OXNAD1: variants seen among roughly 807,000 people sequenced by gnomAD.
The protein encoded by OXNAD1 is oxidoreductase NAD binding domain containing 1, also known as oxidoreductase NAD-binding domain-containing protein 1.
A neutral mutation model predicts 32.9 loss-of-function variants in OXNAD1; 34 were observed. That is an observed-to-expected ratio of 1.03 (90% CI 0.79 to 1.38). The LOEUF (loss-of-function observed/expected upper bound fraction) is 1.38, where lower values mean the gene tolerates loss of function less well. Among genes scored for constraint, OXNAD1 ranks in the 40% most tolerant of loss-of-function variants. The pLI is 0.00. For missense variants in OXNAD1, 407 were observed against 379.4 expected, an observed-to-expected ratio of 1.07 and a Z score of -0.60; for synonymous variants, 134 against 135.2, an observed-to-expected ratio of 0.99 and a Z score of 0.06.
downstream of OXNAD1, among the ~76,000 whole-genome samples, chr3:16,310,560 A>G (rs1225705588): frequency 6.6e-6 from 1 of 152,188 alleles, no homozygotes; most frequent in African/African-American, 2.4e-5. Context: ...ACATGGGATC[A>G]TGTTTTAAAA....
At chr3:16,269,085 G>T in intron 1 of OXNAD1, 41 bp from the exon 2 acceptor site, 1 of 1,408,204 alleles carries the variant, frequency 7.1e-7, no homozygotes, top group Non-Finnish European at 9.2e-7. Flanking sequence ...CTTTTGATCA[G>T]TTCCCCAAAA....
rs142203348 is a variant in OXNAD1 at position 16,330,680 on chromosome 3, A to G, written c.*31-6432A>G. 5.3e-3 allele frequency among the ~76,000 whole-genome samples: 801 copies of G among 152,386 alleles called. 6 individuals carry two copies. Among genetic ancestry groups the G allele is most frequent in the Non-Finnish European group, 9.8e-3 (665 of 68,040 alleles). On this transcript the variant is annotated intron_variant, in intron 9 of 9. Transcript: ENST00000435829. ...CATGTCCTGTGGTTTTTCAACTCGT[A>G]TAAAAGGAATTCATTTGTATTTATG... is the stretch of plus-strand genomic sequence containing the variant.
chr3:16,302,012 C>G lies in OXNAD1; in HGVS notation c.675+144C>G. On this transcript the variant is annotated intron_variant, in intron 7 of 8. Coordinates refer to ENST00000285083, the MANE Select transcript of OXNAD1 (RefSeq NM_138381.5). The surrounding 1 kb of genome is among the most constrained non-coding windows in gnomAD (Gnocchi z 4.2). ...TTAATCATGCTTAAATGAGAACTAA[C>G]CAACACACCTTACCCAAGACAAGTA... The G allele has an allele frequency of 9.6e-7, 1 of 1,047,034 alleles. No individual in the cohort carries two copies. Among genetic ancestry groups the G allele is most frequent in the Non-Finnish European group, 1.4e-6 (1 of 739,116 alleles). 64.9% of individuals were successfully genotyped at this position (1,047,034 alleles called of 1,614,324 possible).
rs1260619275 is a variant in OXNAD1 at position 16,316,580 on chromosome 3, G to T, written c.*30+12988G>T. On this transcript the variant is annotated intron_variant, in intron 9 of 9. Coordinates refer to the OXNAD1 transcript ENST00000435829. This position sits in a 1 kb window ranked among gnomAD's most constrained non-coding sequence, Gnocchi z 4.5. ...CAGGACTGGGCCTTCAGCCATGAGG[G>T]CTAGAATAACCTGACCTCTTGCATT... The T allele has an allele frequency of 3.7e-6, 2 of 546,748 alleles. No individual in the cohort carries two copies. Among genetic ancestry groups the T allele is most frequent in the East Asian group, 3.3e-5 (1 of 30,702 alleles). 33.9% of individuals were successfully genotyped at this position (546,748 alleles called of 1,614,324 possible). A position where few individuals can be genotyped will look rare whatever the true frequency, so the allele number is the denominator to read the frequency against.
At position 16,271,743 on chromosome 3, in the gene OXNAD1, A is replaced by G. The variant is rs1183775934; in HGVS notation, c.183+21A>G. On this transcript the variant is annotated intron_variant, in intron 4 of 8. Coordinates refer to ENST00000285083, the MANE Select transcript of OXNAD1 (RefSeq NM_138381.5). The surrounding 1 kb of genome is among the most constrained non-coding windows in gnomAD (Gnocchi z 4.6). ...GGGAGGTTTGTATCTTTGGGGTATG[A>G]CAGGTTTTTCCAGCTAGACCGTTTA... The G allele has an allele frequency of 1.3e-6, 2 of 1,599,580 alleles. No homozygotes were observed. Among genetic ancestry groups the G allele is most frequent in the Non-Finnish European group, 1.7e-6 (2 of 1,174,828 alleles).
chr3:16,283,240 C>G (rs1032229053), intron 4 of OXNAD1, among the ~76,000 whole-genome samples: 3 of 152,102 alleles, frequency 2.0e-5, no homozygotes, highest in Non-Finnish European at 4.4e-5. Context: ...CTCTGCATAC[C>G]CTGTTCCCCA....
intron 9 of OXNAD1, among the ~76,000 whole-genome samples, chr3:16,330,057 AT>A (rs748710473): frequency 1.3e-5 from 2 of 152,056 alleles, no homozygotes; most frequent in Non-Finnish European, 2.9e-5. Flanking sequence ...TCTCCCAAAC[AT>A]TTTTTCCCCC....
chr3:16,325,050 C>A (rs116247392), intron 9 of OXNAD1, among the ~76,000 whole-genome samples: 280 of 152,246 alleles, frequency 1.8e-3, no homozygotes, highest in African/African-American at 6.5e-3. Flanking sequence ...TTTCTTAAAT[C>A]TGTTTTGTAA....
chr3:16,286,369 G>GCTGCC lies in OXNAD1; in HGVS notation c.212_216dup (p.Ser73LeufsTer8). 17 of 1,613,796 alleles carry GCTGCC rather than the reference G, an allele frequency of 1.1e-5. No homozygotes were observed. Among genetic ancestry groups the GCTGCC allele is most frequent in the Non-Finnish European group, 1.4e-5 (17 of 1,179,784 alleles). On this transcript the variant is annotated frameshift_variant, in exon 5 of 9. Coordinates refer to ENST00000285083, the MANE Select transcript of OXNAD1 (RefSeq NM_138381.5). LOFTEE classifies it high-confidence loss of function. ...TGTGTCAGCAGCTAAGGTGTGTGGA[G>GCTGCC]CTGCCAGTGAGTCACCGTCAGTGAA...
rs941387179 is a variant in OXNAD1 at position 16,336,213 on chromosome 3, G to A, written c.*31-899G>A. ...CCACGTGGCCCTCAGGATGCTAAAG[G>A]GCAGGGCTATGCCTGGTATCACTGT... On this transcript the variant is annotated intron_variant, in intron 9 of 9. Transcript: ENST00000435829. The surrounding 1 kb of genome is among the most constrained non-coding windows in gnomAD (Gnocchi z 6.0). 6.6e-6 allele frequency among the ~76,000 whole-genome samples: 1 copy of A among 152,244 alleles called. No homozygotes were observed. The highest frequency in any genetic ancestry group is 1.5e-5 in the Non-Finnish European group (1 of 68,040).
In OXNAD1 at chr3:16,335,505, G is replaced by A. The variant is rs2070754830; in HGVS notation, c.*31-1607G>A. On this transcript the variant is annotated intron_variant, in intron 9 of 9. Coordinates refer to the OXNAD1 transcript ENST00000435829. The surrounding 1 kb of genome is among the most constrained non-coding windows in gnomAD (Gnocchi z 4.7). Reference sequence around the variant, plus strand: ...AAGCTGTTATCCTTAGCAAACTAACGCAGGAACAGAAAATCAAACACCACA... The same window carrying A: ...AAGCTGTTATCCTTAGCAAACTAACACAGGAACAGAAAATCAAACACCACA... Among the ~76,000 whole-genome samples, 1 of 152,164 alleles carries A rather than the reference G, an allele frequency of 6.6e-6. No individual in the cohort carries two copies.
chr3:16,267,100 T>G (rs990554766), intron 1 of OXNAD1, among the ~76,000 whole-genome samples: 4 of 152,234 alleles, frequency 2.6e-5, no homozygotes, highest in Non-Finnish European at 4.4e-5. Context: ...TTATGCTTAT[T>G]GAGGCATTCT....
intron 5 of OXNAD1, among the ~76,000 whole-genome samples, chr3:16,291,706 G>A (rs1047011636): frequency 8.5e-5 from 13 of 152,166 alleles, no homozygotes; most frequent in African/African-American, 3.1e-4. Flanking sequence ...GAACATTCAT[G>A]TACAAGTTTT....
rs573063623 is a variant in OXNAD1, at chr3:16,265,784, A to G, written c.-159+279A>G. ...TAAACTGAGGTACAGAGAGTTGGGC[A>G]TCTTGACTAAAATCATACACCTGGG... On this transcript the variant is annotated intron_variant, in intron 1 of 8. Coordinates refer to ENST00000285083, the MANE Select transcript of OXNAD1 (RefSeq NM_138381.5). This position sits in a 1 kb window ranked among gnomAD's most constrained non-coding sequence, Gnocchi z 4.8. 46 of 814,440 alleles carry G rather than the reference A, an allele frequency of 5.6e-5. 1 individual carries two copies. The highest frequency in any genetic ancestry group is 5.6e-4 in the Admixed American group (9 of 16,046). The allele number at this position is 814,440 out of a possible 1,614,324, so 50.5% of individuals were successfully genotyped here.
chr3:16,280,846 G>A lies in OXNAD1; in HGVS notation c.184-5496G>A, dbSNP rs192275868. On this transcript the variant is annotated intron_variant, in intron 4 of 8. Coordinates refer to ENST00000285083, the MANE Select transcript of OXNAD1 (RefSeq NM_138381.5). This position sits in a 1 kb window ranked among gnomAD's most constrained non-coding sequence, Gnocchi z 4.5. The stretch of plus-strand genomic sequence containing the variant: ...GCCTCAGCATTAAACATGTGTACTG[G>A]TAAAGTTGGCAAATGTGTTGTTATT... Among the ~76,000 whole-genome samples the A allele has an allele frequency of 2.7e-3, 407 of 152,252 alleles. 1 individual carries two copies. Among genetic ancestry groups the A allele is most frequent in the Non-Finnish European group, 3.5e-3 (235 of 68,014 alleles).
chr3:16,326,700 G>A (rs1046629163), intron 9 of OXNAD1: 2 of 1,095,362 alleles, frequency 1.8e-6, no homozygotes, highest in Non-Finnish European at 2.8e-6. Context: ...ATAGACGTGA[G>A]GTGCTCATTA....
intron 1 of OXNAD1, among the ~76,000 whole-genome samples, chr3:16,266,830 T>G (rs1258846093): frequency 6.6e-6 from 1 of 152,138 alleles, no homozygotes; most frequent in Non-Finnish European, 1.5e-5. Context: ...TTTATTCCTC[T>G]CAGTAATCCA....
At chr3:16,295,076 C>A in intron 6 of OXNAD1, 79 bp downstream of exon 6, 1 of 1,459,746 alleles carries the variant, frequency 6.9e-7, no homozygotes, top group South Asian at 1.5e-5. Context: ...TCATTTGATT[C>A]ACCTAAGAAA....
intron 4 of OXNAD1, among the ~76,000 whole-genome samples, chr3:16,281,516 GA>G (rs1255250666): frequency 6.6e-6 from 1 of 151,686 alleles, no homozygotes; most frequent in Non-Finnish European, 1.5e-5. Flanking sequence ...TTCCAAAATT[GA>G]AAAAAAATTG....
Sources: allele counts gnomAD v4.1 joint callset (sites outside exome capture counted in the v4.1 genomes callset), GRCh38; gene constraint gnomAD v4.1.1; non-coding constraint Gnocchi (gnomAD v3.1); transcripts MANE v1.5; gene names NCBI Gene and HGNC (gene_info 2026-07-23, HGNC 2026-07-21).